The following DYNC1I1 variants were observed in gnomAD, a reference collection of about 807,000 sequenced individuals.
DYNC1I1 encodes dynein cytoplasmic 1 intermediate chain 1.
A neutral mutation model predicts 86.6 loss-of-function variants in DYNC1I1; 43 were observed. The ratio of observed to expected loss-of-function variants is 0.50; its 90% CI spans 0.39 to 0.64. The LOEUF is 0.64. Ranked by LOEUF, DYNC1I1 falls within the 30% of genes least tolerant of loss-of-function variation. The probability of loss-of-function intolerance (pLI) is 0.00; values close to 1 mark genes in which losing one functional copy is unlikely to be tolerated. For synonymous variants in DYNC1I1, 262 were observed against 283.7 expected, an observed-to-expected ratio of 0.92 and a Z score of 0.77; for missense variants, 604 against 788.8, an observed-to-expected ratio of 0.77 and a Z score of 2.81.
At chr7:95,822,821 A>G (rs1407952293) in intron 4 of DYNC1I1, among the ~76,000 whole-genome samples, 1 of 152,228 alleles carries the variant, frequency 6.6e-6, no homozygotes, top group East Asian at 1.9e-4. Context: ...ACGGAAATTT[A>G]ACTGACATAG....
chr7:96,004,193 G>A lies in DYNC1I1; in HGVS notation c.969+8120G>A, dbSNP rs973828777. On this transcript the variant is annotated intron_variant, in intron 10 of 16. Transcript: ENST00000447467. The stretch of plus-strand genomic sequence containing the variant: ...AAATAGTCTATACTTTGCTTTTTCC[G>A]TTTTTATATCCGATTGTTTACTTTT... Among the ~76,000 whole-genome samples the A allele has an allele frequency of 4.6e-5, 7 of 151,970 alleles. No individual in the cohort carries two copies. In the South Asian group the frequency reaches 6.2e-4, roughly 14 times the overall value.
chr7:95,785,745 A>ATG (rs1245524550), intron 1 of DYNC1I1, among the ~76,000 whole-genome samples: 15 of 142,790 alleles, frequency 1.1e-4, no homozygotes, highest in African/African-American at 3.8e-4. Flanking sequence ...GTATATATAT[A>ATG]TGTGTGTATG....
At chr7:95,893,819 A>G (rs747208783) in intron 6 of DYNC1I1, among the ~76,000 whole-genome samples, 2 of 152,248 alleles carry the variant, frequency 1.3e-5, no homozygotes, top group Non-Finnish European at 2.9e-5. Context: ...AACAAAGCCA[A>G]GTGGAAAGAA....
chr7:95,780,434 A>ATTT (rs34375387), intron 1 of DYNC1I1, among the ~76,000 whole-genome samples: 35 of 129,774 alleles, frequency 2.7e-4, no homozygotes, highest in African/African-American at 7.8e-4. Context: ...CACCCGGCTA[A>ATTT]TTTTTTTTTT....
intron 16 of DYNC1I1, among the ~76,000 whole-genome samples, chr7:96,094,468 G>A (rs1183126341): frequency 1.3e-5 from 2 of 152,044 alleles, no homozygotes; most frequent in African/African-American, 4.8e-5. Context: ...GGGTAAGAAG[G>A]GCAGTTCTGT....
chr7:95,996,102 A>G, intron 10 of DYNC1I1, 29 bp downstream of exon 10: 2 of 1,613,724 alleles, frequency 1.2e-6, no homozygotes, highest in South Asian at 2.2e-5. Flanking sequence ...AAAATAACTT[A>G]CATCTCCTGC....
chr7:95,890,309 C>T (rs1790704213), intron 6 of DYNC1I1, among the ~76,000 whole-genome samples: 1 of 152,108 alleles, frequency 6.6e-6, no homozygotes, highest in Admixed American at 6.6e-5. Flanking sequence ...AGGCCATTAT[C>T]CTTAACAAAA....
At chr7:95,978,802 ATT>A (rs201884666) in intron 7 of DYNC1I1, among the ~76,000 whole-genome samples, 1 of 147,908 alleles carries the variant, frequency 6.8e-6, no homozygotes, top group Non-Finnish European at 1.5e-5. Flanking sequence ...AAATGGGACA[ATT>A]TTTTTTTTTT....
intron 10 of DYNC1I1, among the ~76,000 whole-genome samples, chr7:96,011,806 A>T (rs1185060059): frequency 6.6e-6 from 1 of 152,216 alleles, no homozygotes; most frequent in Non-Finnish European, 1.5e-5. Context: ...CCAGTTATAT[A>T]TATGATACAT....
At chr7:95,863,515 C>CAA (rs11432530) in intron 5 of DYNC1I1, among the ~76,000 whole-genome samples, 1 of 151,880 alleles carries the variant, frequency 6.6e-6, no homozygotes, top group South Asian at 2.1e-4. Flanking sequence ...TTTATTTTAA[C>CAA]AAAAAAATTA....
At chr7:96,014,612 T>G (rs1794359348) in intron 10 of DYNC1I1, among the ~76,000 whole-genome samples, 1 of 152,168 alleles carries the variant, frequency 6.6e-6, no homozygotes, top group Non-Finnish European at 1.5e-5. Context: ...CAAATGGGGC[T>G]CAAAGCACAT....
chr7:95,804,717 C>A lies in DYNC1I1; in HGVS notation c.-9-4C>A. The A allele has an allele frequency of 6.4e-7, 1 of 1,572,582 alleles. No homozygotes were observed. Among genetic ancestry groups the A allele is most frequent in the Admixed American group, 1.9e-5 (1 of 51,590 alleles). ...TGTTCACTTTTTTTTTCTCTTTCTC[C>A]AAGGAAACCAACATGTCTGACAAAA... On this transcript the variant is annotated splice_region_variant and splice_polypyrimidine_tract_variant and intron_variant, in intron 1 of 16. Coordinates refer to ENST00000447467, the MANE Select transcript of DYNC1I1 (RefSeq NM_001135556.2).
intron 6 of DYNC1I1, among the ~76,000 whole-genome samples, chr7:95,971,849 G>A (rs1296755526): frequency 1.3e-5 from 2 of 152,214 alleles, no homozygotes; most frequent in East Asian, 3.9e-4. Context: ...GCCCTTTGGA[G>A]CTGAGAAGGA....
chr7:95,882,762 T>A (rs1390885429), intron 6 of DYNC1I1, among the ~76,000 whole-genome samples: 1 of 152,212 alleles, frequency 6.6e-6, no homozygotes, highest in Non-Finnish European at 1.5e-5. Flanking sequence ...GAAAAAGTTT[T>A]CCTTTCCACC....
chr7:95,907,233 C>T (rs990411668), intron 6 of DYNC1I1, among the ~76,000 whole-genome samples: 8 of 152,184 alleles, frequency 5.3e-5, no homozygotes, highest in African/African-American at 1.7e-4. Flanking sequence ...AGCATATATC[C>T]TTGCCCCGCT....
At chr7:96,063,131 GTA>G (rs768784439) in intron 14 of DYNC1I1, among the ~76,000 whole-genome samples, 25,004 of 134,336 alleles carry the variant, frequency 0.19, 2,256 homozygotes, top group African/African-American at 0.27. Flanking sequence ...GTGTGTGTGT[GTA>G]TGTGTGTGTT....
chr7:95,977,693 T>G, intron 7 of DYNC1I1, 92 bp downstream of exon 7: 1 of 1,110,544 alleles, frequency 9.0e-7, no homozygotes, highest in Non-Finnish European at 1.3e-6. Context: ...AAGTAAAAAT[T>G]GAATTTGCAT....
intron 5 of DYNC1I1, among the ~76,000 whole-genome samples, chr7:95,849,889 T>G (rs1313687344): frequency 6.6e-6 from 1 of 152,176 alleles, no homozygotes; most frequent in Non-Finnish European, 1.5e-5. Flanking sequence ...CTTCTTCAAT[T>G]TCTCTCATCA....
rs1192604556 is a variant in DYNC1I1, at chr7:95,856,315, T to G, written c.375-13568T>G. 3.3e-5 allele frequency among the ~76,000 whole-genome samples: 5 copies of G among 152,320 alleles called. No individual in the cohort carries two copies. The East Asian group carries it at 5.8e-4, about 18-fold the overall frequency. Reference sequence around the variant, plus strand: ...CAATAATACACATGAAGCTGTAATATTCTATGATAATAATGCCTTCTTCTG... The same window carrying G: ...CAATAATACACATGAAGCTGTAATAGTCTATGATAATAATGCCTTCTTCTG... On this transcript the variant is annotated intron_variant, in intron 5 of 16. Coordinates refer to ENST00000447467, the MANE Select transcript of DYNC1I1 (RefSeq NM_001135556.2).
Sources: allele counts gnomAD v4.1 joint callset (sites outside exome capture counted in the v4.1 genomes callset), GRCh38; gene constraint gnomAD v4.1.1; transcripts MANE v1.5; gene names NCBI Gene and HGNC (gene_info 2026-07-23, HGNC 2026-07-21).